Variants in NR4A1 observed in about 807,000 individuals in gnomAD.
The protein encoded by NR4A1 is nuclear receptor subfamily 4immunitygroup A member 1.
In NR4A1, 24 loss-of-function variants were observed where a neutral mutation model predicts 47.5. The ratio of observed to expected loss-of-function variants is 0.50; its 90% CI spans 0.37 to 0.71. NR4A1 has a LOEUF of 0.71. NR4A1 is among the 30% of genes least tolerant of loss of function. NR4A1 has a pLI of 0.00. For missense variants in NR4A1, 669 were observed against 788.6 expected (o/e 0.85, Z 1.82); for synonymous variants, 353 against 345.7 (o/e 1.02, Z -0.24).
At chr12:52,057,303 C>T (rs1251842805) in intron 5 of NR4A1, 44 bp downstream of exon 5, 7 of 1,613,884 alleles carry the variant, frequency 4.3e-6, no homozygotes, top group Non-Finnish European at 5.9e-6. Flanking sequence ...CCCTGATACA[C>T]CTGCCTGTGA....
chr12:52,049,505 C>CGGGA (rs1335031020), upstream of NR4A1, among the ~76,000 whole-genome samples: 2 of 152,010 alleles, frequency 1.3e-5, no homozygotes, highest in African/African-American at 2.4e-5. Flanking sequence ...AGTAGGAAAG[C>CGGGA]GGGAGAGGCT....
At chr12:52,046,719 C>T (rs1025169704), upstream of NR4A1, among the ~76,000 whole-genome samples, 2 of 152,220 alleles carry the variant, frequency 1.3e-5, no homozygotes, top group African/African-American at 4.8e-5. Context: ...CACGGTGACT[C>T]ACGCCTGTAA....
At chr12:52,042,033 A>C in intron 2 of NR4A1, 1 of 1,153,996 alleles carries the variant, frequency 8.7e-7, no homozygotes. Flanking sequence ...AGGGGGATGG[A>C]GGGGAAGCCC....
intron 1 of NR4A1, among the ~76,000 whole-genome samples, chr12:52,023,257 C>A (rs964624168): frequency 1.4e-3 from 208 of 152,302 alleles, no homozygotes; most frequent in Middle Eastern, 6.8e-3. Flanking sequence ...GCTGGCGGTG[C>A]GGCTCGGGTG....
chr12:52,039,364 C>A (rs912000682), intron 1 of NR4A1, among the ~76,000 whole-genome samples: 1 of 152,136 alleles, frequency 6.6e-6, no homozygotes, highest in Non-Finnish European at 1.5e-5. Flanking sequence ...TTGCAAGGGG[C>A]AGTTTATTAA....
upstream of NR4A1, among the ~76,000 whole-genome samples, chr12:52,048,834 T>C (rs564555253): frequency 1.3e-5 from 2 of 152,092 alleles, no homozygotes; most frequent in Admixed American, 6.5e-5. Flanking sequence ...TTTTTTTTTT[T>C]AAGCTGTGGA....
intron 1 of NR4A1, among the ~76,000 whole-genome samples, chr12:52,052,275 G>GTA (rs1413302627): frequency 2.2e-4 from 28 of 128,656 alleles, no homozygotes; most frequent in African/African-American, 6.9e-4. Context: ...TCACGTGTGT[G>GTA]TGTGTGTGTG....
chr12:52,034,260 G>A (rs1349652235), intron 1 of NR4A1, among the ~76,000 whole-genome samples: 2 of 152,218 alleles, frequency 1.3e-5, no homozygotes. Context: ...TAGTCCTCTA[G>A]ATTCTACCCC....
intron 1 of NR4A1, among the ~76,000 whole-genome samples, chr12:52,033,093 C>G (rs932027753): frequency 3.9e-5 from 6 of 152,206 alleles, no homozygotes; most frequent in Non-Finnish European, 7.3e-5. Context: ...TCTGCGCCGC[C>G]GGGTGAGGTA....
At chr12:52,043,593 G>T in intron 2 of NR4A1, 2 of 807,310 alleles carry the variant, frequency 2.5e-6, no homozygotes, top group East Asian at 6.7e-5. Flanking sequence ...TGACTATTTT[G>T]GGCTCTTGCT....
chr12:52,058,950 G>A lies in NR4A1; in HGVS notation c.*6G>A. On this transcript the variant is annotated 3_prime_UTR_variant, in exon 7 of 7. Transcript: ENST00000394825. ...TGGACACGCTGCCCTTCTGACCCCT[G>A]CCTGGGAACACGTGTGCACATGCGC... 6.2e-7 allele frequency: 1 copy of A among 1,607,262 alleles called. No individual in the cohort carries two copies. Among genetic ancestry groups the A allele is most frequent in the South Asian group, 1.1e-5 (1 of 90,804 alleles).
In NR4A1 at chr12:52,054,463, T is replaced by C. The variant is rs1478032862; in HGVS notation, c.135T>C (p.Ala45=). The C allele has an allele frequency of 6.2e-6, 10 of 1,613,624 alleles. No individual in the cohort carries two copies. Among genetic ancestry groups the C allele is most frequent in the Non-Finnish European group, 8.5e-6 (10 of 1,179,956 alleles). Reference sequence around the variant, plus strand: ...TGGCCAGCCCCGAGGCAGCCCCCGCTGCCCCCACTGCCCTGCCCAGCTTCA... The same window carrying C: ...TGGCCAGCCCCGAGGCAGCCCCCGCCGCCCCCACTGCCCTGCCCAGCTTCA... ...MDLASPEAAP[A]APTALPSFST... is the part of the protein sequence containing the mutation. Residue 45 remains alanine (A), a synonymous_variant, in exon 2 of 7, where the codon GCT becomes GCC. Coordinates refer to ENST00000394825, the MANE Select transcript of NR4A1 (RefSeq NM_173157.3).
chr12:52,037,572 G>T, intron 1 of NR4A1: 12 of 984,164 alleles, frequency 1.2e-5, no homozygotes, highest in South Asian at 4.7e-5. Flanking sequence ...GAGTCGGGGG[G>T]GGGACTGGAT....
At chr12:52,037,422 C>G (rs2120946495) in intron 1 of NR4A1, 1 of 984,704 alleles carries the variant, frequency 1.0e-6, no homozygotes, top group East Asian at 1.2e-4. Flanking sequence ...GGTGGAGAGG[C>G]GAGCGGAGCC....
exon 2 of NR4A1, chr12:52,041,911 T>G: frequency 6.7e-7 from 1 of 1,494,984 alleles, no homozygotes; most frequent in Non-Finnish European, 8.9e-7. Flanking sequence ...GGCCAAGGCC[T>G]GTTGGTCCAT....
chr12:52,050,570 CT>C (rs1055705905), upstream of NR4A1, among the ~76,000 whole-genome samples: 3 of 152,248 alleles, frequency 2.0e-5, no homozygotes, highest in African/African-American at 7.2e-5. Flanking sequence ...TGCACTCCCC[CT>C]GTAAGGGGCT....
chr12:52,054,787 C>G lies in NR4A1; in HGVS notation c.459C>G (p.Pro153=). 6.2e-7 allele frequency: 1 copy of G among 1,613,106 alleles called. No individual in the cohort carries two copies. Among genetic ancestry groups the G allele is most frequent in the Non-Finnish European group, 8.5e-7 (1 of 1,179,970 alleles). Residue 153 remains proline, a synonymous_variant, in exon 2 of 7, where the codon CCC becomes CCG. Coordinates refer to ENST00000394825, the MANE Select transcript of NR4A1 (RefSeq NM_173157.3). ...GCTTCCAGCCGCCCCAGCTCTCTCCCTGGGATGGCTCCTTCGGCCACTTCT... is the reference window on the plus strand; with the variant it reads ...GCTTCCAGCCGCCCCAGCTCTCTCCGTGGGATGGCTCCTTCGGCCACTTCT... ...TPSFQPPQLS[P]WDGSFGHFSP...
At chr12:52,040,124 G>C (rs1389618332) in intron 1 of NR4A1, among the ~76,000 whole-genome samples, 1 of 152,166 alleles carries the variant, frequency 6.6e-6, no homozygotes, top group Non-Finnish European at 1.5e-5. Context: ...TGGGGCTCTG[G>C]GATCTTGGTG....
chr12:52,052,545 G>A, intron 1 of NR4A1: 1 of 985,418 alleles, frequency 1.0e-6, no homozygotes, highest in Non-Finnish European at 1.2e-6. Context: ...AAGCCACATT[G>A]TTGCCAAGAC....
Sources: gnomAD v4.1 joint callset for allele counts (sites outside exome capture counted in the v4.1 genomes callset) on GRCh38, gnomAD v4.1.1 for gene constraint, MANE v1.5 for transcripts, NCBI Gene and HGNC (gene_info 2026-07-23, HGNC 2026-07-21) for gene names.